DUSP16: variants seen among roughly 807,000 people sequenced by gnomAD.
The protein encoded by DUSP16 is dual specificity protein phosphatase 16.
DUSP16 carries 21 observed loss-of-function variants against 58.3 expected under a neutral mutation model. The ratio of observed to expected loss-of-function variants is 0.36; its 90% CI spans 0.26 to 0.52. The LOEUF is 0.52. Among genes scored for constraint, DUSP16 ranks in the 20% least tolerant of loss-of-function variants. The pLI is 0.94. For missense variants in DUSP16, 726 were observed against 819.0 expected (o/e 0.89, Z 1.39); for synonymous variants, 320 against 323.8 (o/e 0.99, Z 0.12).
intron 4 of DUSP16, among the ~76,000 whole-genome samples, chr12:12,496,683 A>C (rs1385894848): frequency 6.6e-6 from 1 of 152,258 alleles, no homozygotes; most frequent in African/African-American, 2.4e-5. Context: ...AAAGCAATCA[A>C]GAACTTTTGT....
rs536296489 is a variant in DUSP16, at chr12:12,559,508, T to C, written c.-366+2609A>G. On this transcript the variant is annotated intron_variant, in intron 1 of 6. Coordinates refer to ENST00000298573, the MANE Select transcript of DUSP16 (RefSeq NM_030640.3). ...TTTTGCTTGAGAACTTAATGCATTT[T>C]AAAAACACTGAATGTCCAGTGAAAT... Among the ~76,000 whole-genome samples, 8 of 152,368 alleles carry C rather than the reference T, an allele frequency of 5.3e-5. No homozygotes were observed. The East Asian group carries it at 1.5e-3, about 29-fold the overall frequency.
chr12:12,523,204 A>C (rs185689332), intron 1 of DUSP16, among the ~76,000 whole-genome samples: 3 of 152,334 alleles, frequency 2.0e-5, no homozygotes, highest in African/African-American at 7.2e-5. Context: ...CTTCACCTAC[A>C]AAATGGAGAC....
intron 1 of DUSP16, among the ~76,000 whole-genome samples, chr12:12,553,254 A>T (rs1038629884): frequency 6.6e-6 from 1 of 152,190 alleles, no homozygotes; most frequent in African/African-American, 2.4e-5. Context: ...CCATTAGTTT[A>T]TAGTACCACA....
At chr12:12,493,976 C>T (rs1943795704) in intron 4 of DUSP16, among the ~76,000 whole-genome samples, 1 of 152,172 alleles carries the variant, frequency 6.6e-6, no homozygotes, top group Non-Finnish European at 1.5e-5. Context: ...GGTGTACCCC[C>T]AGCACCTAGA....
intron 1 of DUSP16, among the ~76,000 whole-genome samples, chr12:12,560,238 A>G (rs1039211010): frequency 5.9e-5 from 9 of 151,892 alleles, no homozygotes; most frequent in Non-Finnish European, 8.8e-5. Context: ...AATACTAAAA[A>G]AGAAAAAAAA....
At chr12:12,512,955 A>G (rs887796013) in intron 3 of DUSP16, among the ~76,000 whole-genome samples, 13 of 152,250 alleles carry the variant, frequency 8.5e-5, no homozygotes, top group Non-Finnish European at 1.5e-4. Flanking sequence ...CAGGAAGATC[A>G]GGTTCTATCA....
chr12:12,555,923 C>G (rs1944798840), intron 1 of DUSP16, among the ~76,000 whole-genome samples: 1 of 152,110 alleles, frequency 6.6e-6, no homozygotes, highest in South Asian at 2.1e-4. Flanking sequence ...TGCCTATAGT[C>G]CTAGCTATTT....
chr12:12,556,740 A>C lies in DUSP16; in HGVS notation c.-366+5377T>G, dbSNP rs77126836. On this transcript the variant is annotated intron_variant, in intron 1 of 6. Coordinates refer to ENST00000298573, the MANE Select transcript of DUSP16 (RefSeq NM_030640.3). ...GACATCTTCTAAACAATAACAAAAC[A>C]AACCTGGCAGTCCAATAACTACAGG... 2.1e-3 allele frequency among the ~76,000 whole-genome samples: 320 copies of C among 152,304 alleles called. 6 individuals are homozygous for C. In the East Asian group the frequency reaches 0.035, roughly 17 times the overall value.
chr12:12,544,054 A>G (rs1332036246), intron 1 of DUSP16, among the ~76,000 whole-genome samples: 1 of 152,146 alleles, frequency 6.6e-6, no homozygotes, highest in African/African-American at 2.4e-5. Context: ...TACAGCTCAA[A>G]GAATTTTTAT....
rs993469293 is a variant in DUSP16 at position 12,487,199 on chromosome 12, A to G, written c.532-12T>C. 3.3e-5 allele frequency: 54 copies of G among 1,612,450 alleles called. 1 individual carries two copies. Among genetic ancestry groups the G allele is most frequent in the South Asian group, 1.3e-4 (12 of 91,006 alleles). ...TGCTGCATCAGCTCCTATGGAGAGAAAGAGTAGCAGTTAAAGTGACTAATA... is the reference window on the plus strand; with the variant it reads ...TGCTGCATCAGCTCCTATGGAGAGAGAGAGTAGCAGTTAAAGTGACTAATA... On this transcript the variant is annotated splice_polypyrimidine_tract_variant and intron_variant, in intron 4 of 6. Transcript: ENST00000298573.
intron 1 of DUSP16, among the ~76,000 whole-genome samples, chr12:12,538,257 T>C (rs980518398): frequency 6.6e-6 from 1 of 152,180 alleles, no homozygotes; most frequent in Non-Finnish European, 1.5e-5. Flanking sequence ...CAGTCTCTCT[T>C]ACCTGGAGGA....
intron 2 of DUSP16, among the ~76,000 whole-genome samples, chr12:12,520,668 T>C (rs1944221022): frequency 6.6e-6 from 1 of 152,230 alleles, no homozygotes; most frequent in Non-Finnish European, 1.5e-5. Context: ...TAAAGCAAGT[T>C]AATCCTTCAT....
chr12:12,486,743 C>A (rs535370132), intron 5 of DUSP16, among the ~76,000 whole-genome samples: 1 of 152,302 alleles, frequency 6.6e-6, no homozygotes, highest in Non-Finnish European at 1.5e-5. Context: ...AAAAGCTTAA[C>A]TGATTTTCAA....
In DUSP16 at chr12:12,543,769, C is replaced by G. The variant is rs143134272; in HGVS notation, c.-366+18348G>C. Among the ~76,000 whole-genome samples, 917 of 151,798 alleles carry G rather than the reference C, an allele frequency of 6.0e-3. 13 individuals carry two copies. The highest frequency in any genetic ancestry group is 0.021 in the African/African-American group (864 of 41,402). ...ATTGGTTTATCCCTAGAAACAAAAC[C>G]AATAAAAAACTCAAGAAGCCTAGGA... On this transcript the variant is annotated intron_variant, in intron 1 of 6. Transcript: ENST00000298573.
chr12:12,499,548 C>G (rs1369753619), intron 4 of DUSP16, among the ~76,000 whole-genome samples: 1 of 152,186 alleles, frequency 6.6e-6, no homozygotes, highest in Non-Finnish European at 1.5e-5. Context: ...GGGTATTTTT[C>G]TTCCTCCTAG....
At chr12:12,547,907 A>G (rs1944670662) in intron 1 of DUSP16, among the ~76,000 whole-genome samples, 1 of 152,194 alleles carries the variant, frequency 6.6e-6, no homozygotes, top group South Asian at 2.1e-4. Context: ...GAAAAACCTT[A>G]GATATCACCT....
rs1175387292 is a variant in DUSP16, at chr12:12,477,355, A to C, written c.1476T>G (p.Ser492Arg). The C allele has an allele frequency of 3.7e-6, 6 of 1,614,188 alleles. No individual in the cohort carries two copies. The highest frequency in any genetic ancestry group is 3.3e-5 in the South Asian group (3 of 91,086). ...KRLHSVRTSSSGTAQRSLLSP... is the reference protein window; with the variant it reads ...KRLHSVRTSSRGTAQRSLLSP... ...ATAAAAGGGACCTCTGGGCGGTGCC[A>C]CTGCTGCTGGTTCTGACCGAATGCA... The change falls in exon 7 of 7, where the codon AGT becomes AGG. Residue 492 changes from serine to arginine, a missense_variant. By Grantham distance (110) the Ser-to-Arg change is moderately radical (BLOSUM62 -1). Transcript: ENST00000298573. The surrounding 1 kb of genome is among the most constrained non-coding windows in gnomAD (Gnocchi z 4.1).
chr12:12,526,230 TTA>T (rs1288245641), intron 1 of DUSP16, among the ~76,000 whole-genome samples: 1 of 152,244 alleles, frequency 6.6e-6, no homozygotes, highest in Non-Finnish European at 1.5e-5. Flanking sequence ...AGCAAATGAT[TTA>T]TGTTTTATAT....
chr12:12,480,487 A>G, intron 5 of DUSP16, 141 bp from the exon 6 acceptor site: 1 of 995,498 alleles, frequency 1.0e-6, no homozygotes, highest in Non-Finnish European at 1.4e-6. Context: ...TTATCCTCGC[A>G]ATATTCTTTT....
Sources: allele counts gnomAD v4.1 joint callset (sites outside exome capture counted in the v4.1 genomes callset), GRCh38; gene constraint gnomAD v4.1.1; non-coding constraint Gnocchi (gnomAD v3.1); transcripts MANE v1.5; gene names NCBI Gene and HGNC (gene_info 2026-07-23, HGNC 2026-07-21).